Variants in TMC2 observed in about 807,000 individuals in gnomAD.
TMC2 encodes the protein transmembrane channel-like protein 2.
Under a neutral mutation model 105.9 loss-of-function variants are expected in TMC2, and 102 were observed. That is an observed-to-expected ratio of 0.96 (90% CI 0.82 to 1.14). The LOEUF (loss-of-function observed/expected upper bound fraction) is 1.14, where lower values mean the gene tolerates loss of function less well. Among genes scored for constraint, TMC2 ranks in the 50% most tolerant of loss-of-function variants. The pLI is 0.00. For synonymous variants in TMC2, 402 were observed against 422.8 expected, an observed-to-expected ratio of 0.95 and a Z score of 0.60; for missense variants, 1,093 against 1,134.3, an observed-to-expected ratio of 0.96 and a Z score of 0.52.
intron 17 of TMC2, among the ~76,000 whole-genome samples, chr20:2,631,223 C>T (rs79478707): frequency 7.2e-5 from 11 of 152,200 alleles, no homozygotes; most frequent in East Asian, 1.9e-4. Context: ...CCTCCACTCT[C>T]CTTCAGGTTG....
chr20:2,540,378 T>C (rs923873598), intron 2 of TMC2, among the ~76,000 whole-genome samples: 5 of 150,626 alleles, frequency 3.3e-5, no homozygotes. Flanking sequence ...GACATGGACA[T>C]GGCCGGGCAC....
chr20:2,539,527 G>A (rs866759113), intron 2 of TMC2, among the ~76,000 whole-genome samples: 3 of 152,142 alleles, frequency 2.0e-5, no homozygotes, highest in South Asian at 2.1e-4. Context: ...AAACAATGAC[G>A]TTCCTATTCA....
At chr20:2,576,636 G>A (rs1398005636) in intron 5 of TMC2, among the ~76,000 whole-genome samples, 1 of 152,222 alleles carries the variant, frequency 6.6e-6, no homozygotes, top group African/African-American at 2.4e-5. Flanking sequence ...CATGAAACCA[G>A]ATGCTGGATT....
At chr20:2,576,550 T>C (rs1302577797) in intron 5 of TMC2, among the ~76,000 whole-genome samples, 1 of 152,212 alleles carries the variant, frequency 6.6e-6, no homozygotes, top group Non-Finnish European at 1.5e-5. Flanking sequence ...TATTTTATAC[T>C]GATTTTATCA....
intron 18 of TMC2, among the ~76,000 whole-genome samples, 167 bp from the exon 19 acceptor site, chr20:2,637,307 G>C (rs1371630842): frequency 6.7e-6 from 1 of 150,250 alleles, no homozygotes; most frequent in African/African-American, 2.5e-5. Flanking sequence ...AGAATCGCTT[G>C]AACCCAGGAG....
chr20:2,588,021 C>G (rs74787795), intron 7 of TMC2, among the ~76,000 whole-genome samples: 135 of 151,608 alleles, frequency 8.9e-4, no homozygotes, highest in Non-Finnish European at 1.3e-3. Context: ...ATCCCCCCCC[C>G]CTTTGAGTAT....
intron 19 of TMC2, among the ~76,000 whole-genome samples, chr20:2,638,407 A>G (rs6083917): frequency 0.77 from 117,114 of 151,428 alleles, 45,382 homozygotes; most frequent in East Asian, 0.87. Flanking sequence ...CAGAATACTC[A>G]ATAATGATAA....
At chr20:2,542,714 G>A (rs369818095) in intron 2 of TMC2, among the ~76,000 whole-genome samples, 3 of 57,258 alleles carry the variant, frequency 5.2e-5, no homozygotes, top group Non-Finnish European at 1.2e-4. Context: ...TTTTTTTTTT[G>A]ACAGAGTCTC....
intron 16 of TMC2, among the ~76,000 whole-genome samples, chr20:2,621,944 A>G (rs1274718373): frequency 6.6e-6 from 1 of 152,218 alleles, no homozygotes; most frequent in African/African-American, 2.4e-5. Flanking sequence ...TTCAACGACA[A>G]AATAATCTAC....
chr20:2,562,407 C>T (rs1462224578), intron 4 of TMC2, among the ~76,000 whole-genome samples: 2 of 152,250 alleles, frequency 1.3e-5, no homozygotes, highest in African/African-American at 4.8e-5. Flanking sequence ...CCCAGTGTCT[C>T]TCCATGTGTA....
At chr20:2,596,588 A>C (rs1423154017) in intron 9 of TMC2, among the ~76,000 whole-genome samples, 2 of 151,038 alleles carry the variant, frequency 1.3e-5, no homozygotes, top group African/African-American at 2.4e-5. Flanking sequence ...AGCCAAGATC[A>C]GGCCACTGCA....
rs56821075 is a variant in TMC2, at chr20:2,629,529, T to TAAAAAAAAA, written c.2306+5143_2306+5151dup. Among the ~76,000 whole-genome samples the TAAAAAAAAA allele has an allele frequency of 4.7e-4, 55 of 116,050 alleles. 4 individuals are homozygous for TAAAAAAAAA. Among genetic ancestry groups the TAAAAAAAAA allele is most frequent in the African/African-American group, 9.8e-4 (30 of 30,580 alleles). 76.1% of individuals were successfully genotyped at this position (116,050 alleles called of 152,430 possible). A position where few individuals can be genotyped will look rare whatever the true frequency, so the allele number is the denominator to read the frequency against. On this transcript the variant is annotated intron_variant, in intron 17 of 19. Transcript: ENST00000358864. ...TCTAATTATTGATTTCTTACAGAAG[T>TAAAAAAAAA]AAAAAAAAAAAAAAAAAAGTGACCT... is the stretch of plus-strand genomic sequence containing the variant.
At chr20:2,556,668 G>A (rs906449262) in intron 2 of TMC2, among the ~76,000 whole-genome samples, 3 of 152,210 alleles carry the variant, frequency 2.0e-5, no homozygotes, top group Non-Finnish European at 2.9e-5. Flanking sequence ...GAGCCCAGCA[G>A]TGCAAGGTTA....
In TMC2 at chr20:2,616,988, C is replaced by T; in HGVS notation, c.1941-84C>T. On this transcript the variant is annotated intron_variant, in intron 15 of 19. Transcript: ENST00000358864. This position sits in a 1 kb window ranked among gnomAD's most constrained non-coding sequence, Gnocchi z 4.8. ...AGCAGCTCGGCCTCATGCCCCTAAC[C>T]CATCCGTCCCATTTCCTTCTATCAC... 7 of 1,541,212 alleles carry T rather than the reference C, an allele frequency of 4.5e-6. No individual in the cohort carries two copies. The South Asian group carries it at 8.3e-5, about 18-fold the overall frequency.
intron 18 of TMC2, among the ~76,000 whole-genome samples, chr20:2,636,487 C>CACAT (rs1293281192): frequency 6.6e-6 from 1 of 151,740 alleles, no homozygotes; most frequent in East Asian, 1.9e-4. Context: ...CACACACACA[C>CACAT]ACACACGCAC....
At chr20:2,633,753 C>T (rs913431189) in intron 17 of TMC2, among the ~76,000 whole-genome samples, 2 of 74,732 alleles carry the variant, frequency 2.7e-5, no homozygotes, top group Non-Finnish European at 5.5e-5. Context: ...AAACCTACTA[C>T]AGAACTGGGT....
intron 17 of TMC2, among the ~76,000 whole-genome samples, chr20:2,628,151 GA>G (rs2086577116): frequency 1.3e-5 from 2 of 148,878 alleles, no homozygotes; most frequent in Admixed American, 1.3e-4. Flanking sequence ...CTGGGCAAAA[GA>G]GCGAGACTCT....
chr20:2,576,633 C>T (rs1222740380), intron 5 of TMC2, among the ~76,000 whole-genome samples: 1 of 152,190 alleles, frequency 6.6e-6, no homozygotes, highest in African/African-American at 2.4e-5. Context: ...CTACATGAAA[C>T]CAGATGCTGG....
chr20:2,537,459 G>T, intron 2 of TMC2, 143 bp downstream of exon 2: 1 of 753,234 alleles, frequency 1.3e-6, no homozygotes. Context: ...TTCCTGGGAG[G>T]CAAGGTGTTT....
Sources: gnomAD v4.1 joint callset for allele counts (sites outside exome capture counted in the v4.1 genomes callset) on GRCh38, gnomAD v4.1.1 for gene constraint, Gnocchi (gnomAD v3.1) non-coding constraint, MANE v1.5 for transcripts, NCBI Gene and HGNC (gene_info 2026-07-23, HGNC 2026-07-21) for gene names.